Variants in TTC28 observed in about 807,000 individuals in gnomAD.
TTC28 encodes the protein tetratricopeptide repeat domain 28.
In TTC28, 61 loss-of-function variants were observed where a neutral mutation model predicts 198.0. The ratio of observed to expected loss-of-function variants is 0.31; its 90% CI spans 0.25 to 0.38. The LOEUF (loss-of-function observed/expected upper bound fraction) is 0.38, where lower values mean the gene tolerates loss of function less well. TTC28 is among the 10% of genes least tolerant of loss of function. The pLI is 1.00. For synonymous variants in TTC28, 1,171 were observed against 1,297.8 expected (o/e 0.90, Z 2.10); for missense variants, 2,678 against 3,164.0 (o/e 0.85, Z 3.69).
chr22:28,368,196 T>C (rs2046278103), intron 2 of TTC28, among the ~76,000 whole-genome samples: 1 of 151,942 alleles, frequency 6.6e-6, no homozygotes. Context: ...ACATTACATA[T>C]TGGATTCAAC....
At chr22:28,656,324 T>C (rs1276821225) in intron 1 of TTC28, among the ~76,000 whole-genome samples, 9 of 152,130 alleles carry the variant, frequency 5.9e-5, no homozygotes, top group Non-Finnish European at 1.0e-4. Flanking sequence ...TACAGGAAGG[T>C]ACTGCTGCTG....
At chr22:28,485,371 GC>G (rs1274440121) in intron 2 of TTC28, among the ~76,000 whole-genome samples, 2 of 152,054 alleles carry the variant, frequency 1.3e-5, no homozygotes, top group Non-Finnish European at 2.9e-5. Flanking sequence ...ACTTTATGTT[GC>G]CTTTCTTTAA....
At chr22:28,629,372 A>G in intron 2 of TTC28, 180 bp downstream of exon 2, 1 of 613,906 alleles carries the variant, frequency 1.6e-6, no homozygotes, top group South Asian at 2.6e-5. Context: ...AGCATGCTAC[A>G]AAAAAACAAA....
chr22:28,312,699 A>C (rs1365286566), intron 2 of TTC28, among the ~76,000 whole-genome samples: 9 of 152,152 alleles, frequency 5.9e-5, no homozygotes, highest in Non-Finnish European at 1.3e-4. Flanking sequence ...ATCTCTAGGA[A>C]ACATTTAAAG....
chr22:28,606,436 T>C (rs530293700), intron 2 of TTC28, among the ~76,000 whole-genome samples: 1 of 152,206 alleles, frequency 6.6e-6, no homozygotes, highest in Non-Finnish European at 1.5e-5. Context: ...CTTTAAAAAG[T>C]ATGTAGGGGT....
At position 27,982,437 on chromosome 22, in the gene TTC28, C is replaced by T. The variant is rs750520611; in HGVS notation, c.7230G>A (p.Lys2410=). The T allele has an allele frequency of 1.4e-5, 21 of 1,551,518 alleles. No homozygotes were observed. Among genetic ancestry groups the T allele is most frequent in the South Asian group, 2.4e-5 (2 of 84,044 alleles). ...GCAGGGACAGCTCCTTCAGTTCAAG[C>T]TTATCCACTCCCTCCTCCTTCTTAT... ...RHNKKEEGVD[K]LELKELSLQQ... Residue 2410 remains lysine (K), a synonymous_variant, in exon 23 of 23, where the codon AAG becomes AAA. Transcript: ENST00000397906. This position sits in a 1 kb window ranked among gnomAD's most constrained non-coding sequence, Gnocchi z 5.2.
intron 12 of TTC28, among the ~76,000 whole-genome samples, chr22:28,040,052 C>G (rs917842501): frequency 6.6e-6 from 1 of 152,144 alleles, no homozygotes; most frequent in Non-Finnish European, 1.5e-5. Context: ...AGTTGAATCC[C>G]TGAATAGACC....
intron 3 of TTC28, among the ~76,000 whole-genome samples, chr22:28,300,068 C>A (rs2044988154): frequency 6.6e-6 from 1 of 152,240 alleles, no homozygotes; most frequent in Non-Finnish European, 1.5e-5. Flanking sequence ...CACCAACTCA[C>A]TGAATGCCAC....
chr22:28,521,085 A>G (rs2048896087), intron 2 of TTC28, among the ~76,000 whole-genome samples: 1 of 151,912 alleles, frequency 6.6e-6, no homozygotes, highest in South Asian at 2.1e-4. Context: ...TCCTCCAAAA[A>G]TCCAAATAAT....
At chr22:28,251,490 T>C (rs565982158) in intron 5 of TTC28, among the ~76,000 whole-genome samples, 17 of 152,280 alleles carry the variant, frequency 1.1e-4, no homozygotes, top group Middle Eastern at 3.4e-3. Context: ...GGTTCAGAAG[T>C]ACAGCTACAA....
At chr22:28,559,117 C>A (rs1311391282) in intron 2 of TTC28, among the ~76,000 whole-genome samples, 3 of 152,054 alleles carry the variant, frequency 2.0e-5, no homozygotes, top group Non-Finnish European at 4.4e-5. Context: ...AGAGGGCCTG[C>A]TCAAAAATGA....
intron 2 of TTC28, among the ~76,000 whole-genome samples, chr22:28,396,500 C>T (rs750970581): frequency 2.6e-5 from 4 of 152,172 alleles, no homozygotes; most frequent in Non-Finnish European, 5.9e-5. Context: ...CCCTCCCCAA[C>T]CCCTTTTTAA....
Position 27,978,082 on chromosome 22 carries a change from G to C in TTC28, c.*4139C>G, listed in dbSNP as rs1936907886. 6.6e-6 allele frequency: 1 copy of C among 152,146 alleles called. No homozygotes were observed. The allele number at this position is 152,146 out of a possible 1,614,324, so 9.4% of individuals were successfully genotyped here. Reference sequence around the variant, plus strand: ...CAAAGGAGGAAGGCCAAGTGCCTTAGCAATCTCAATAAAAATATGAAGTTC... The same window carrying C: ...CAAAGGAGGAAGGCCAAGTGCCTTACCAATCTCAATAAAAATATGAAGTTC... On this transcript the variant is annotated 3_prime_UTR_variant, in exon 23 of 23. Coordinates refer to ENST00000397906, the MANE Select transcript of TTC28 (RefSeq NM_001145418.2).
intron 2 of TTC28, among the ~76,000 whole-genome samples, chr22:28,311,016 A>C (rs1434856936): frequency 6.6e-6 from 1 of 151,994 alleles, no homozygotes; most frequent in Non-Finnish European, 1.5e-5. Context: ...CTGACCTCAA[A>C]TGATCTACCC....
chr22:28,001,816 T>G (rs962565157), intron 14 of TTC28: 36 of 490,912 alleles, frequency 7.3e-5, no homozygotes, highest in South Asian at 6.1e-4. Flanking sequence ...GACAGTTTCT[T>G]GAAGTTCACA....
At chr22:28,098,541 A>AT (rs1011660840) in intron 10 of TTC28, among the ~76,000 whole-genome samples, 2 of 149,730 alleles carry the variant, frequency 1.3e-5, no homozygotes, top group Admixed American at 6.7e-5. Flanking sequence ...GTGAGACCTC[A>AT]TCTCTATTTA....
At chr22:28,494,079 A>G (rs2048418026) in intron 2 of TTC28, among the ~76,000 whole-genome samples, 1 of 152,204 alleles carries the variant, frequency 6.6e-6, no homozygotes, top group Non-Finnish European at 1.5e-5. Context: ...ATTACTGTTA[A>G]TTATATCTAG....
intron 12 of TTC28, among the ~76,000 whole-genome samples, chr22:28,057,824 G>T (rs565358993): frequency 6.6e-6 from 1 of 152,040 alleles, no homozygotes; most frequent in Non-Finnish European, 1.5e-5. Context: ...ATACCCAGTT[G>T]TTCCAGCATG....
At chr22:28,229,410 T>A (rs991147877) in intron 5 of TTC28, among the ~76,000 whole-genome samples, 1 of 152,210 alleles carries the variant, frequency 6.6e-6, no homozygotes, top group African/African-American at 2.4e-5. Flanking sequence ...AATGAACTGC[T>A]ATCAACCATT....
Sources: gnomAD v4.1 joint callset for allele counts (sites outside exome capture counted in the v4.1 genomes callset) on GRCh38, gnomAD v4.1.1 for gene constraint, Gnocchi (gnomAD v3.1) non-coding constraint, MANE v1.5 for transcripts, NCBI Gene and HGNC (gene_info 2026-07-23, HGNC 2026-07-21) for gene names.